Variants in SLC38A1 observed in about 807,000 individuals in gnomAD.
SLC38A1 encodes solute carrier family 38 member 1.
A neutral mutation model predicts 60.3 loss-of-function variants in SLC38A1; 18 were observed. That is an observed-to-expected ratio of 0.30 (90% CI 0.21 to 0.44). The LOEUF is 0.44. Ranked by LOEUF, SLC38A1 falls within the 20% of genes least tolerant of loss-of-function variation. The pLI, the probability that SLC38A1 is intolerant of heterozygous loss-of-function variation, is 1.00. For synonymous variants in SLC38A1, 196 were observed against 212.1 expected (o/e 0.92, Z 0.66); for missense variants, 448 against 587.2 (o/e 0.76, Z 2.45).
At chr12:46,256,221 G>A (rs1942018102) in intron 1 of SLC38A1, among the ~76,000 whole-genome samples, 1 of 149,020 alleles carries the variant, frequency 6.7e-6, no homozygotes, top group Non-Finnish European at 1.5e-5. Flanking sequence ...AAGGCATTTA[G>A]CAAACTTAAT....
In SLC38A1 at chr12:46,239,795, C is replaced by A; in HGVS notation, c.6G>T (p.Met2Ile). 2.5e-6 allele frequency: 4 copies of A among 1,612,628 alleles called. No individual in the cohort carries two copies. Among genetic ancestry groups the A allele is most frequent in the Non-Finnish European group, 2.5e-6 (3 of 1,179,950 alleles). M[M>I]HFKSGLELTE... Reference sequence around the variant, plus strand: ...TTAATTCGAGTCCACTTTTGAAATGCATCATGATTAGAAAGTGTCTGTAGT... The same window carrying A: ...TTAATTCGAGTCCACTTTTGAAATGAATCATGATTAGAAAGTGTCTGTAGT... Residue 2 changes from methionine to isoleucine, a missense_variant, in exon 3 of 17, where the codon ATG becomes ATT. Met to Ile is a conservative substitution (Grantham distance 10). Around this residue, in one of 2 missense-constraint regions of SLC38A1, gnomAD observed 102 missense variants for 89.7 expected, o/e 1.14. Transcript: ENST00000398637.
rs951855734 is a variant in SLC38A1 at position 46,207,241 on chromosome 12, A to C, written c.482-5T>G. On this transcript the variant is annotated splice_polypyrimidine_tract_variant and splice_region_variant and intron_variant, in intron 7 of 16. Transcript: ENST00000398637. ...TGAAGAGGTAGCTCAGCATTGCTGA[A>C]GGAAAATGAGAACATTTTTAGAAAG... 1.3e-5 allele frequency: 21 copies of C among 1,606,102 alleles called. No individual in the cohort carries two copies. The highest frequency in any genetic ancestry group is 1.7e-5 in the Non-Finnish European group (20 of 1,175,306).
At chr12:46,240,903 G>C (rs1449013357) in intron 2 of SLC38A1, among the ~76,000 whole-genome samples, 1 of 152,132 alleles carries the variant, frequency 6.6e-6, no homozygotes, top group East Asian at 1.9e-4. Context: ...GTTTCTGAGG[G>C]ATCACCCATA....
chr12:46,252,552 T>C (rs937440151), intron 1 of SLC38A1, among the ~76,000 whole-genome samples: 7 of 151,790 alleles, frequency 4.6e-5, no homozygotes, highest in African/African-American at 1.7e-4. Context: ...AATTAATTTA[T>C]TTAAAAATAA....
At chr12:46,250,488 G>A (rs1434911294) in intron 1 of SLC38A1, among the ~76,000 whole-genome samples, 2 of 152,102 alleles carry the variant, frequency 1.3e-5, no homozygotes, top group Non-Finnish European at 2.9e-5. Context: ...TTCTGGCCAG[G>A]GCAATCAGGC....
At chr12:46,202,199 A>G (rs1592076128) in intron 12 of SLC38A1, among the ~76,000 whole-genome samples, 2 of 124,860 alleles carry the variant, frequency 1.6e-5, no homozygotes, top group East Asian at 4.3e-4. Flanking sequence ...CTCAAAAAAA[A>G]AAAAATAAAT....
chr12:46,185,000 T>C lies in SLC38A1; in HGVS notation c.*3970A>G, dbSNP rs1181169698. 2 of 152,222 alleles carry C rather than the reference T, an allele frequency of 1.3e-5. No homozygotes were observed. Among genetic ancestry groups the C allele is most frequent in the Non-Finnish European group, 2.9e-5 (2 of 68,070 alleles). 9.4% of individuals were successfully genotyped at this position (152,222 alleles called of 1,614,324 possible). A position where few individuals can be genotyped will look rare whatever the true frequency, so the allele number is the denominator to read the frequency against. On this transcript the variant is annotated 3_prime_UTR_variant, in exon 17 of 17. Coordinates refer to ENST00000398637, the MANE Select transcript of SLC38A1 (RefSeq NM_030674.4). ...ACTTTCTTGCCATTGCAGAGACCCC[T>C]GCCGCCAGGCTCCTTTCCTCCCCTC... is the stretch of plus-strand genomic sequence containing the variant.
chr12:46,212,654 G>T (rs1230371120), intron 5 of SLC38A1, among the ~76,000 whole-genome samples: 1 of 152,126 alleles, frequency 6.6e-6, no homozygotes, highest in African/African-American at 2.4e-5. Context: ...AGTAAATTTT[G>T]GAGTCTCCTG....
At chr12:46,240,589 A>G (rs1941413726) in intron 2 of SLC38A1, among the ~76,000 whole-genome samples, 1 of 152,228 alleles carries the variant, frequency 6.6e-6, no homozygotes, top group Non-Finnish European at 1.5e-5. Flanking sequence ...CACAGACACA[A>G]AAGCACCTTC....
At chr12:46,240,316 C>T (rs886673609) in intron 2 of SLC38A1, among the ~76,000 whole-genome samples, 1 of 152,166 alleles carries the variant, frequency 6.6e-6, no homozygotes, top group Non-Finnish European at 1.5e-5. Context: ...CCTGCCTCAG[C>T]CTCCCAAGTA....
intron 16 of SLC38A1, among the ~76,000 whole-genome samples, chr12:46,192,098 A>G (rs534734386): frequency 1.2e-3 from 184 of 152,302 alleles, no homozygotes; most frequent in African/African-American, 3.6e-3. Flanking sequence ...TTATTTTGAG[A>G]TATGTTCCAT....
intron 3 of SLC38A1, among the ~76,000 whole-genome samples, chr12:46,236,729 G>C (rs1424731994): frequency 6.6e-6 from 1 of 152,200 alleles, no homozygotes; most frequent in Non-Finnish European, 1.5e-5. Context: ...TTCACATTTA[G>C]AGGAACAGTC....
intron 1 of SLC38A1, among the ~76,000 whole-genome samples, chr12:46,265,336 A>C (rs1055239299): frequency 6.6e-6 from 1 of 152,252 alleles, no homozygotes; most frequent in African/African-American, 2.4e-5. Context: ...GAGTAACAAC[A>C]GTCCAAAATG....
At chr12:46,193,158 C>T (rs1326114154) in intron 16 of SLC38A1, among the ~76,000 whole-genome samples, 1 of 152,164 alleles carries the variant, frequency 6.6e-6, no homozygotes, top group African/African-American at 2.4e-5. Flanking sequence ...TTTCAAAGAA[C>T]ATCTTTATTT....
chr12:46,227,323 G>T (rs1940906419), intron 5 of SLC38A1, among the ~76,000 whole-genome samples: 1 of 152,082 alleles, frequency 6.6e-6, no homozygotes, highest in Non-Finnish European at 1.5e-5. Flanking sequence ...AATCCAGAAA[G>T]AATAATAAAT....
At position 46,187,077 on chromosome 12, in the gene SLC38A1, C is replaced by CT. The variant is rs997586449; in HGVS notation, c.*1892dup. 6.6e-6 allele frequency: 1 copy of CT among 152,136 alleles called. No homozygotes were observed. The highest frequency in any genetic ancestry group is 2.4e-5 in the African/African-American group (1 of 41,426). The allele number at this position is 152,136 out of a possible 1,614,324, so 9.4% of individuals were successfully genotyped here. A position where few individuals can be genotyped will look rare whatever the true frequency, so the allele number is the denominator to read the frequency against. On this transcript the variant is annotated 3_prime_UTR_variant, in exon 17 of 17. Coordinates refer to ENST00000398637, the MANE Select transcript of SLC38A1 (RefSeq NM_030674.4). ...GTATTCATATCCAAATATCTGAACT[C>CT]TAACCTAATGTGGATATGATTCTGT...
intron 5 of SLC38A1, among the ~76,000 whole-genome samples, chr12:46,217,848 A>G (rs185704439): frequency 6.6e-6 from 1 of 152,312 alleles, no homozygotes; most frequent in East Asian, 1.9e-4. Flanking sequence ...GTGGAGAGCA[A>G]TTATTTGTAC....
chr12:46,259,449 A>G (rs1294961821), intron 1 of SLC38A1, among the ~76,000 whole-genome samples: 1 of 152,236 alleles, frequency 6.6e-6, no homozygotes, highest in African/African-American at 2.4e-5. Flanking sequence ...AATTTTATAT[A>G]CCTTTGAGTA....
intron 1 of SLC38A1, among the ~76,000 whole-genome samples, chr12:46,250,744 TG>T (rs1298992930): frequency 6.6e-6 from 1 of 152,144 alleles, no homozygotes; most frequent in Non-Finnish European, 1.5e-5. Context: ...CATTCACAAT[TG>T]CTACAAAGAG....
Sources: gnomAD v4.1 joint callset for allele counts (sites outside exome capture counted in the v4.1 genomes callset) on GRCh38, gnomAD v4.1.1 for gene constraint, gnomAD v4.1.1 regional missense constraint, MANE v1.5 for transcripts, NCBI Gene and HGNC (gene_info 2026-07-23, HGNC 2026-07-21) for gene names.